EPHA3: variants seen among roughly 807,000 people sequenced by gnomAD.
EPHA3 encodes the protein ephrin type-A receptor 3.
Under a neutral mutation model 107.1 loss-of-function variants are expected in EPHA3, and 42 were observed. The ratio of observed to expected loss-of-function variants is 0.39; its 90% CI spans 0.31 to 0.51. EPHA3 has a LOEUF of 0.51. EPHA3 is among the 20% of genes least tolerant of loss of function. EPHA3 has a pLI of 0.78. For missense variants in EPHA3, 1,183 were observed against 1,211.2 expected (o/e 0.98, Z 0.35); for synonymous variants, 461 against 424.8 (o/e 1.09, Z -1.05).
intron 3 of EPHA3, among the ~76,000 whole-genome samples, chr3:89,296,219 A>G (rs1181853667): frequency 6.6e-6 from 1 of 152,218 alleles, no homozygotes. Flanking sequence ...AAGGGAATCT[A>G]GAATGGTGAA....
At chr3:89,317,279 G>A (rs1289263499) in intron 3 of EPHA3, among the ~76,000 whole-genome samples, 2 of 151,698 alleles carry the variant, frequency 1.3e-5, no homozygotes, top group Non-Finnish European at 2.9e-5. Flanking sequence ...TTATCAGCTA[G>A]CAGGAAGAAA....
intron 5 of EPHA3, among the ~76,000 whole-genome samples, chr3:89,381,681 A>C (rs914493762): frequency 1.3e-4 from 20 of 152,118 alleles, no homozygotes; most frequent in African/African-American, 4.6e-4. Context: ...AAAGAAAAAA[A>C]AAAATTAGGA....
Position 89,442,545 on chromosome 3 carries a change from G to A in EPHA3, c.2347-6680G>A, listed in dbSNP as rs567892124. Among the ~76,000 whole-genome samples the A allele has an allele frequency of 6.6e-5, 10 of 152,272 alleles. No homozygotes were observed. In the South Asian group the frequency reaches 1.9e-3, roughly 28 times the overall value. On this transcript the variant is annotated intron_variant, in intron 13 of 16. Transcript: ENST00000336596. ...TAATCTAGATGACAGCGGCAGAAGT[G>A]CTGCTAGATATCCTACAACGCACAG... is the stretch of plus-strand genomic sequence containing the variant.
intron 2 of EPHA3, among the ~76,000 whole-genome samples, chr3:89,182,085 C>G (rs1705455287): frequency 6.6e-6 from 1 of 151,048 alleles, no homozygotes; most frequent in African/African-American, 2.4e-5. Context: ...ATAAATTTTC[C>G]TTTATTTTTC....
rs528726915 is a variant in EPHA3 at position 89,222,216 on chromosome 3, T to C, written c.814+11696T>C. 3.3e-5 allele frequency among the ~76,000 whole-genome samples: 5 copies of C among 151,900 alleles called. 1 individual carries two copies. Among genetic ancestry groups the C allele is most frequent in the African/African-American group, 9.6e-5 (4 of 41,480 alleles). ...AATGTGTATGCTTGCACAATATGCT[T>C]CATTATTAGCTTGACAGATCTCCAA... is the stretch of plus-strand genomic sequence containing the variant. On this transcript the variant is annotated intron_variant, in intron 3 of 16. Transcript: ENST00000336596.
intron 5 of EPHA3, among the ~76,000 whole-genome samples, chr3:89,371,464 A>C (rs1708301060): frequency 6.6e-6 from 1 of 151,696 alleles, no homozygotes; most frequent in Admixed American, 6.6e-5. Context: ...GATACAAGGT[A>C]AGATAGATAA....
In EPHA3 at chr3:89,147,886, G is replaced by A. The variant is rs563162466; in HGVS notation, c.153+20613G>A. Among the ~76,000 whole-genome samples the A allele has an allele frequency of 5.3e-5, 8 of 152,068 alleles. No individual in the cohort carries two copies. In the East Asian group the frequency reaches 1.6e-3, roughly 30 times the overall value. On this transcript the variant is annotated intron_variant, in intron 2 of 16. Coordinates refer to ENST00000336596, the MANE Select transcript of EPHA3 (RefSeq NM_005233.6). ...GTCAGTTCTTTGACAGTAGCATGGA[G>A]TAGCTGGTCAAAAAGGAGGAAAACC...
At chr3:89,175,539 TGTTGA>T (rs1161517957) in intron 2 of EPHA3, among the ~76,000 whole-genome samples, 1 of 152,168 alleles carries the variant, frequency 6.6e-6, no homozygotes, top group African/African-American at 2.4e-5. Flanking sequence ...TTTTGAACCT[TGTTGA>T]GTTATTAACT....
chr3:89,423,626 G>T (rs1709396385), intron 11 of EPHA3, among the ~76,000 whole-genome samples: 1 of 151,272 alleles, frequency 6.6e-6, no homozygotes, highest in Non-Finnish European at 1.5e-5. Context: ...GAACATGTCT[G>T]TCTAAGTAAC....
chr3:89,135,065 G>T (rs1267321148), intron 2 of EPHA3, among the ~76,000 whole-genome samples: 2 of 152,048 alleles, frequency 1.3e-5, no homozygotes, highest in Non-Finnish European at 2.9e-5. Context: ...AATAATTGAG[G>T]CAGTTTAAAC....
intron 7 of EPHA3, among the ~76,000 whole-genome samples, chr3:89,401,995 G>A (rs1708973628): frequency 6.6e-6 from 1 of 152,168 alleles, no homozygotes; most frequent in Non-Finnish European, 1.5e-5. Context: ...TCCTGTGGTA[G>A]AAATCAGGCA....
intron 2 of EPHA3, among the ~76,000 whole-genome samples, chr3:89,192,243 G>GGTATAATAA (rs1705735636): frequency 6.6e-6 from 1 of 152,112 alleles, no homozygotes; most frequent in Non-Finnish European, 1.5e-5. Flanking sequence ...ATAATATTTT[G>GGTATAATAA]TTCTAGAAAC....
rs147315934 is a variant in EPHA3 at position 89,222,014 on chromosome 3, C to T, written c.814+11494C>T. 4.2e-3 allele frequency among the ~76,000 whole-genome samples: 636 copies of T among 152,172 alleles called. 3 individuals are homozygous for T. The highest frequency in any genetic ancestry group is 0.011 in the African/African-American group (450 of 41,526). On this transcript the variant is annotated intron_variant, in intron 3 of 16. Transcript: ENST00000336596. ...CATAGGATTAGGTAAGCCTCTAACA[C>T]GCAAATCTTTTCACAGGGCATCTCT... is the stretch of plus-strand genomic sequence containing the variant.
rs973689666 is a variant in EPHA3 at position 89,185,417 on chromosome 3, T to C, written c.154-24443T>C. Among the ~76,000 whole-genome samples, 11 of 152,046 alleles carry C rather than the reference T, an allele frequency of 7.2e-5. 1 individual carries two copies. The highest frequency in any genetic ancestry group is 7.2e-4 in the Admixed American group (11 of 15,226). ...TAGAAAGGAAATTATATTTGATATATTAATATATTTAGTAGTTGAGAGAAT... is the reference window on the plus strand; with the variant it reads ...TAGAAAGGAAATTATATTTGATATACTAATATATTTAGTAGTTGAGAGAAT... On this transcript the variant is annotated intron_variant, in intron 2 of 16. Transcript: ENST00000336596.
At chr3:89,202,244 C>T (rs1212092160) in intron 2 of EPHA3, among the ~76,000 whole-genome samples, 1 of 152,006 alleles carries the variant, frequency 6.6e-6, no homozygotes, top group African/African-American at 2.4e-5. Context: ...CTTGTAATCT[C>T]AGCACTTTGG....
intron 2 of EPHA3, among the ~76,000 whole-genome samples, chr3:89,128,144 A>G (rs1704131147): frequency 6.6e-6 from 1 of 152,098 alleles, no homozygotes; most frequent in Non-Finnish European, 1.5e-5. Context: ...AGAGATTGTA[A>G]TTACTTCCAC....
intron 5 of EPHA3, among the ~76,000 whole-genome samples, chr3:89,345,397 A>T (rs9860266): frequency 0.3 from 44,935 of 150,878 alleles, 8,040 homozygotes; most frequent in African/African-American, 0.38. Context: ...ATTTCTATCA[A>T]AAAATTGGAT....
At position 89,431,354 on chromosome 3, in the gene EPHA3, A is replaced by C; in HGVS notation, c.2341A>C (p.Thr781Pro). Residue 781 changes from threonine to proline, a missense_variant, in exon 13 of 17, where the codon ACA (threonine) becomes CCA (proline). Thr to Pro is a conservative substitution (Grantham distance 38). Coordinates refer to ENST00000336596, the MANE Select transcript of EPHA3 (RefSeq NM_005233.6). The part of the protein sequence containing the change: ...LEDDPEAAYT[T>P]RGGKIPIRWT... ...GGATGACCCAGAAGCTGCTTATACA[A>C]CAAGAGTGAGTAACTTAGATTTTCT... 6.2e-7 allele frequency: 1 copy of C among 1,612,644 alleles called. No individual in the cohort carries two copies. Among genetic ancestry groups the C allele is most frequent in the Non-Finnish European group, 8.5e-7 (1 of 1,179,260 alleles).
chr3:89,472,424 A>G, intron 15 of EPHA3, 40 bp from the exon 16 acceptor site: 1 of 1,592,632 alleles, frequency 6.3e-7, no homozygotes, highest in Non-Finnish European at 8.6e-7. Flanking sequence ...AACTCTGCTG[A>G]CTCCTGATCT....
Sources: allele counts gnomAD v4.1 joint callset (sites outside exome capture counted in the v4.1 genomes callset), GRCh38; gene constraint gnomAD v4.1.1; transcripts MANE v1.5; gene names NCBI Gene and HGNC (gene_info 2026-07-23, HGNC 2026-07-21).